APOO: variants seen among roughly 807,000 people sequenced by gnomAD.
APOO encodes MICOS complex subunit MIC26.
In APOO, 11 loss-of-function variants were observed where a neutral mutation model predicts 23.1. That is an observed-to-expected ratio of 0.48 (90% CI 0.30 to 0.79). The LOEUF is 0.79. APOO is among the 30% of genes least tolerant of loss of function. The pLI is 0.07. For missense variants in APOO, 160 were observed against 142.7 expected (o/e 1.12, Z -0.62); for synonymous variants, 59 against 54.8 (o/e 1.08, Z -0.34).
intron 7 of APOO, among the ~76,000 whole-genome samples, chrX:23,849,932 C>G (rs891103129): frequency 9.2e-6 from 1 of 108,619 alleles, no homozygotes; most frequent in Non-Finnish European, 1.9e-5. Flanking sequence ...AAGGCAAGTA[C>G]ATTATTGGGG....
At chrX:23,878,884 T>C (rs777023378) in intron 3 of APOO, 31 bp downstream of exon 3, 7 of 1,200,614 alleles carry the variant, frequency 5.8e-6, no homozygotes, top group Non-Finnish European at 6.8e-6. Flanking sequence ...TAAACAGAAA[T>C]GCGTTCACTC....
chrX:23,885,724 T>C (rs1926341917), intron 1 of APOO, among the ~76,000 whole-genome samples: 1 of 111,204 alleles, frequency 9.0e-6, no homozygotes, highest in African/African-American at 3.3e-5. Flanking sequence ...TTCTTCTTCC[T>C]CTTCTCCTAT....
chrX:23,848,999 G>A (rs1021360122), intron 7 of APOO, among the ~76,000 whole-genome samples: 61 of 109,070 alleles, frequency 5.6e-4, no homozygotes, highest in Non-Finnish European at 1.1e-3. Flanking sequence ...TGGGACTACA[G>A]GCGCCTGCCA....
At chrX:23,852,545 C>T (rs770267061) in intron 7 of APOO, among the ~76,000 whole-genome samples, 7 of 108,046 alleles carry the variant, frequency 6.5e-5, no homozygotes, top group Admixed American at 3.0e-4. Context: ...ACCCGGGAGG[C>T]GGAGGTTGCA....
At chrX:23,857,908 G>A (rs1432385125) in intron 6 of APOO, among the ~76,000 whole-genome samples, 4 of 111,214 alleles carry the variant, frequency 3.6e-5, no homozygotes, top group South Asian at 3.9e-4. Context: ...ACAAACCACC[G>A]GAGGGCTTGC....
At chrX:23,888,343 T>G (rs1926464448) in intron 1 of APOO, among the ~76,000 whole-genome samples, 1 of 111,735 alleles carries the variant, frequency 8.9e-6, no homozygotes, top group African/African-American at 3.3e-5. Context: ...ACAAATCTGG[T>G]CAGGCAAGCA....
intron 5 of APOO, among the ~76,000 whole-genome samples, chrX:23,865,888 T>G (rs1189878162): frequency 9.0e-6 from 1 of 111,513 alleles, no homozygotes; most frequent in East Asian, 2.8e-4. Flanking sequence ...ATTATTTTAA[T>G]ACTACCAAGC....
chrX:23,881,684 C>G (rs745375364), intron 1 of APOO, among the ~76,000 whole-genome samples: 1 of 103,294 alleles, frequency 9.7e-6, no homozygotes, highest in South Asian at 4.5e-4. Flanking sequence ...CCTGTAATCC[C>G]AGCACTTTGG....
intron 7 of APOO, chrX:23,840,857 A>G (rs1436384966): frequency 8.9e-6 from 1 of 111,836 alleles, no homozygotes. Flanking sequence ...ATAGGGGCCA[A>G]TCCACAAAAC....
chrX:23,852,041 C>T lies in APOO; in HGVS notation c.561+4261G>A, dbSNP rs1159096521. On this transcript the variant is annotated intron_variant, in intron 7 of 8. Transcript: ENST00000379226. ...CAGGTTCAAGTGATTCTTGTGCCTC[C>T]GCCTCCCAAGTAGGTGGGATTACAG... Among the ~76,000 whole-genome samples, 5 of 110,565 alleles carry T rather than the reference C, an allele frequency of 4.5e-5. No homozygotes were observed. In the East Asian group the frequency reaches 8.6e-4, roughly 19 times the overall value.
At chrX:23,867,190 A>AT (rs769267246) in intron 5 of APOO, among the ~76,000 whole-genome samples, 1 of 112,005 alleles carries the variant, frequency 8.9e-6, no homozygotes, top group African/African-American at 3.2e-5. Flanking sequence ...TAGAGGGAAG[A>AT]TTTTTTAAAT....
intron 1 of APOO, among the ~76,000 whole-genome samples, chrX:23,892,421 C>T (rs1164453979): frequency 3.6e-5 from 4 of 109,811 alleles, no homozygotes; most frequent in Admixed American, 9.8e-5. Context: ...TGCCCAGCTA[C>T]TTTTTGGAAT....
chrX:23,894,867 G>A lies in APOO; in HGVS notation c.9+12827C>T, dbSNP rs373138514. ...AGTGGTAAAGAATAGAGAATGGGCC[G>A]GATTCGGTGGCTCGAGCCTGTAATC... On this transcript the variant is annotated intron_variant, in intron 1 of 8. Coordinates refer to ENST00000379226, the MANE Select transcript of APOO (RefSeq NM_024122.5). 5.4e-5 allele frequency among the ~76,000 whole-genome samples: 6 copies of A among 110,793 alleles called. No homozygotes were observed. In the East Asian group the frequency reaches 8.5e-4, roughly 16 times the overall value.
At chrX:23,883,258 C>T (rs1295562512) in intron 1 of APOO, 1 of 110,862 alleles carries the variant, frequency 9.0e-6, no homozygotes, top group Non-Finnish European at 1.9e-5. Context: ...CACCCTGGCC[C>T]ACCACACTCC....
At chrX:23,878,523 A>G (rs914846417) in intron 3 of APOO, among the ~76,000 whole-genome samples, 1 of 112,269 alleles carries the variant, frequency 8.9e-6, no homozygotes. Context: ...TATGGGGCAC[A>G]TGAGATGTGT....
intron 5 of APOO, among the ~76,000 whole-genome samples, chrX:23,862,433 C>T (rs1408509556): frequency 9.1e-6 from 1 of 110,405 alleles, no homozygotes. Context: ...AACTCAATTG[C>T]TAATTAATGC....
At chrX:23,866,112 C>A (rs746556097) in intron 5 of APOO, among the ~76,000 whole-genome samples, 51 of 110,857 alleles carry the variant, frequency 4.6e-4, no homozygotes, top group African/African-American at 1.4e-3. Flanking sequence ...TTCTTTGGAC[C>A]TGGAAGATTT....
At chrX:23,838,905 T>C (rs1369618400) in intron 8 of APOO, among the ~76,000 whole-genome samples, 1 of 112,244 alleles carries the variant, frequency 8.9e-6, no homozygotes, top group African/African-American at 3.2e-5. Flanking sequence ...GATATTTACC[T>C]AATTTCCCTT....
intron 1 of APOO, among the ~76,000 whole-genome samples, chrX:23,891,798 C>T (rs1926666359): frequency 9.1e-6 from 1 of 109,404 alleles, no homozygotes. Context: ...GTATCTTACC[C>T]TTCTACCAAG....
Sources: gnomAD v4.1 joint callset for allele counts (sites outside exome capture counted in the v4.1 genomes callset) on GRCh38, gnomAD v4.1.1 for gene constraint, MANE v1.5 for transcripts, NCBI Gene and HGNC (gene_info 2026-07-23, HGNC 2026-07-21) for gene names.